The following CLEC16A variants were observed in gnomAD, a reference collection of about 807,000 sequenced individuals.
CLEC16A encodes the protein C-type lectin domain containing 16A.
In CLEC16A, 51 loss-of-function variants were observed where a neutral mutation model predicts 109.5. That is an observed-to-expected ratio of 0.47 (90% confidence interval 0.37 to 0.59). The LOEUF is 0.59. CLEC16A is among the 20% of genes least tolerant of loss of function. CLEC16A has a pLI of 0.00. For synonymous variants in CLEC16A, 673 were observed against 564.2 expected (o/e 1.19, Z -2.73); for missense variants, 1,339 against 1,394.0 (o/e 0.96, Z 0.63).
chr16:11,056,360 G>A (rs748802237), intron 18 of CLEC16A, among the ~76,000 whole-genome samples: 5 of 152,216 alleles, frequency 3.3e-5, no homozygotes, highest in Non-Finnish European at 7.3e-5. Context: ...CTGGCAGACA[G>A]TAAGTGCTCA....
At chr16:11,031,026 T>TAAAA (rs1475709730) in intron 13 of CLEC16A, among the ~76,000 whole-genome samples, 2 of 152,258 alleles carry the variant, frequency 1.3e-5, no homozygotes, top group Non-Finnish European at 2.9e-5. Context: ...AGATGTTTTT[T>TAAAA]AATCTCCATG....
chr16:11,063,894 T>G (rs1597256704), intron 19 of CLEC16A, among the ~76,000 whole-genome samples: 3 of 117,316 alleles, frequency 2.6e-5, no homozygotes, highest in East Asian at 2.3e-4. Flanking sequence ...TCTGCTGGAG[T>G]GATGGGGGGC....
chr16:11,083,716 T>G (rs986134786), intron 19 of CLEC16A, among the ~76,000 whole-genome samples: 1 of 152,244 alleles, frequency 6.6e-6, no homozygotes, highest in Non-Finnish European at 1.5e-5. Context: ...CAGGTGGCCC[T>G]GGCCCTAAGC....
At chr16:10,982,088 A>G (rs1367858488) in intron 9 of CLEC16A, among the ~76,000 whole-genome samples, 1 of 152,252 alleles carries the variant, frequency 6.6e-6, no homozygotes, top group African/African-American at 2.4e-5. Flanking sequence ...CAAATGGTAG[A>G]TAAGCCACAC....
chr16:11,044,667 A>G (rs1190134078), intron 16 of CLEC16A, among the ~76,000 whole-genome samples: 1 of 152,142 alleles, frequency 6.6e-6, no homozygotes, highest in African/African-American at 2.4e-5. Context: ...ATGGTGGCTC[A>G]TGCCTGTAAT....
chr16:11,029,813 C>T (rs557225235), intron 13 of CLEC16A, among the ~76,000 whole-genome samples: 4 of 152,072 alleles, frequency 2.6e-5, no homozygotes, highest in Non-Finnish European at 2.9e-5. Context: ...TGTAAATACC[C>T]GTGAAATCAT....
chr16:11,123,876 C>T lies in CLEC16A; in HGVS notation c.2403C>T (p.Cys801=). 1 of 1,614,004 alleles carries T rather than the reference C, an allele frequency of 6.2e-7. No individual in the cohort carries two copies. Among genetic ancestry groups the T allele is most frequent in the Non-Finnish European group, 8.5e-7 (1 of 1,179,908 alleles). The change falls in exon 21 of 24, where the codon TGC becomes TGT. Residue 801 remains cysteine (C), a synonymous_variant. Coordinates refer to ENST00000409790, the MANE Select transcript of CLEC16A (RefSeq NM_015226.3). ...TCATCTTCTCAGACCACATCCGCTG[C>T]ATCATCGCCAAGCAGCGCCTGGCCA... ...ATFIFSDHIR[C]IIAKQRLAKG... is the part of the protein sequence containing the mutation.
intron 19 of CLEC16A, among the ~76,000 whole-genome samples, chr16:11,101,848 G>T (rs961855816): frequency 1.3e-5 from 2 of 151,032 alleles, no homozygotes; most frequent in Non-Finnish European, 2.9e-5. Context: ...TGTTGCCCAA[G>T]TTGGAGTGCA....
At chr16:11,117,403 C>T (rs1216348093) in intron 19 of CLEC16A, among the ~76,000 whole-genome samples, 1 of 152,136 alleles carries the variant, frequency 6.6e-6, no homozygotes, top group Non-Finnish European at 1.5e-5. Context: ...GGCACATTTT[C>T]TCTGTACTAG....
In CLEC16A at chr16:11,178,061, A is replaced by T. The variant is rs967186096; in HGVS notation, c.2807-274A>T. Among the ~76,000 whole-genome samples the T allele has an allele frequency of 3.9e-5, 6 of 152,180 alleles. No individual in the cohort carries two copies. The highest frequency in any genetic ancestry group is 3.9e-4 in the Admixed American group (6 of 15,272). ...CAGGAACTGTGCTTTCATAAGCCACATGCTGATTTTGCACAGGCCCTGAAT... is the reference window on the plus strand; with the variant it reads ...CAGGAACTGTGCTTTCATAAGCCACTTGCTGATTTTGCACAGGCCCTGAAT... On this transcript the variant is annotated intron_variant, in intron 23 of 23. Coordinates refer to ENST00000409790, the MANE Select transcript of CLEC16A (RefSeq NM_015226.3). This position sits in a 1 kb window ranked among gnomAD's most constrained non-coding sequence, Gnocchi z 6.5.
At chr16:11,004,033 C>T (rs184695154) in intron 11 of CLEC16A, among the ~76,000 whole-genome samples, 1 of 151,256 alleles carries the variant, frequency 6.6e-6, no homozygotes, top group East Asian at 1.9e-4. Context: ...ATATAATTCT[C>T]TCAATTCTTA....
chr16:11,087,825 G>T (rs1328761382), intron 19 of CLEC16A, among the ~76,000 whole-genome samples: 1 of 152,218 alleles, frequency 6.6e-6, no homozygotes, highest in Non-Finnish European at 1.5e-5. Context: ...CCAGGTCGCT[G>T]GCCAGGTCAC....
chr16:10,975,334 A>T (rs1031365576), intron 7 of CLEC16A, among the ~76,000 whole-genome samples: 1 of 152,270 alleles, frequency 6.6e-6, no homozygotes, highest in Middle Eastern at 3.4e-3. Context: ...GTCTCAAAGA[A>T]AAGAAAAAAA....
At chr16:11,173,725 ACT>A (rs1458347770) in intron 23 of CLEC16A, among the ~76,000 whole-genome samples, 1 of 151,888 alleles carries the variant, frequency 6.6e-6, no homozygotes, top group Non-Finnish European at 1.5e-5. Context: ...CCCTCCTCAC[ACT>A]GTCCTGAGGA....
intron 22 of CLEC16A, among the ~76,000 whole-genome samples, chr16:11,160,390 G>A (rs2054680385): frequency 6.6e-6 from 1 of 152,072 alleles, no homozygotes; most frequent in Admixed American, 6.5e-5. Flanking sequence ...TGTGAACCCA[G>A]ACAAAAACTC....
At chr16:11,021,431 C>T (rs1184613645) in intron 12 of CLEC16A, among the ~76,000 whole-genome samples, 2 of 152,166 alleles carry the variant, frequency 1.3e-5, no homozygotes, top group African/African-American at 2.4e-5. Context: ...ATTCTTTAGA[C>T]TATAAATAAT....
At chr16:11,035,592 A>G (rs2046975118) in intron 13 of CLEC16A, among the ~76,000 whole-genome samples, 1 of 152,140 alleles carries the variant, frequency 6.6e-6, no homozygotes, top group African/African-American at 2.4e-5. Flanking sequence ...GTCTTTTTTG[A>G]GCCTCAGCTT....
chr16:11,125,946 C>G, intron 21 of CLEC16A, 33 bp from the exon 22 acceptor site: 3 of 1,255,360 alleles, frequency 2.4e-6, no homozygotes, highest in Non-Finnish European at 3.2e-6. Context: ...ATCCCACATG[C>G]TCAGAGTGAA....
At chr16:10,963,282 C>G (rs1004701568) in intron 3 of CLEC16A, among the ~76,000 whole-genome samples, 1 of 152,142 alleles carries the variant, frequency 6.6e-6, no homozygotes, top group African/African-American at 2.4e-5. Flanking sequence ...CCTCATTAAC[C>G]TTAATTACCT....
Sources: gnomAD v4.1 joint callset for allele counts (sites outside exome capture counted in the v4.1 genomes callset) on GRCh38, gnomAD v4.1.1 for gene constraint, Gnocchi (gnomAD v3.1) non-coding constraint, MANE v1.5 for transcripts, NCBI Gene and HGNC (gene_info 2026-07-23, HGNC 2026-07-21) for gene names.